MTHFD1L: variants seen among roughly 807,000 people sequenced by gnomAD.
The protein encoded by MTHFD1L is methylenetetrahydrofolate dehydrogenase (NADP+ dependent) 1 like.
A neutral mutation model predicts 119.5 loss-of-function variants in MTHFD1L; 81 were observed. The ratio of observed to expected loss-of-function variants is 0.68; its 90% confidence interval spans 0.57 to 0.82. MTHFD1L has a LOEUF of 0.82. Ranked by LOEUF, MTHFD1L falls within the 40% of genes least tolerant of loss-of-function variation. MTHFD1L has a pLI of 0.00. For synonymous variants in MTHFD1L, 430 were observed against 475.2 expected (o/e 0.90, Z 1.24); for missense variants, 1,125 against 1,253.4 (o/e 0.90, Z 1.55).
intron 20 of MTHFD1L, among the ~76,000 whole-genome samples, chr6:150,999,518 C>T (rs973209330): frequency 6.6e-6 from 1 of 152,136 alleles, no homozygotes; most frequent in Non-Finnish European, 1.5e-5. Context: ...ACAAACTGTT[C>T]TTGTTCCCTA....
chr6:151,013,701 T>A lies in MTHFD1L; in HGVS notation c.2266-78T>A, dbSNP rs755461497. 6.1e-5 allele frequency: 79 copies of A among 1,289,854 alleles called. 1 individual carries two copies. The highest frequency in any genetic ancestry group is 7.5e-5 in the South Asian group (6 of 80,412). 79.9% of individuals were successfully genotyped at this position (1,289,854 alleles called of 1,614,324 possible). On this transcript the variant is annotated intron_variant, in intron 21 of 27. Transcript: ENST00000367321. ...TACATTTCTAAAAATTGAATGTGAT[T>A]ATGTTGTTCTTTCTTTCAGATCGGT... is the stretch of plus-strand genomic sequence containing the variant.
At chr6:151,090,582 G>A (rs922265285) in intron 26 of MTHFD1L, among the ~76,000 whole-genome samples, 11 of 152,244 alleles carry the variant, frequency 7.2e-5, no homozygotes, top group African/African-American at 2.7e-4. Flanking sequence ...CTCGAGTCAC[G>A]ACTGAAAGGC....
At chr6:151,085,025 A>ATGTG (rs1793657793) in intron 26 of MTHFD1L, among the ~76,000 whole-genome samples, 1 of 129,328 alleles carries the variant, frequency 7.7e-6, no homozygotes, top group African/African-American at 3.1e-5. Context: ...ATATATGTAT[A>ATGTG]TACACACACA....
At chr6:150,900,357 G>A (rs1474909236) in intron 7 of MTHFD1L, among the ~76,000 whole-genome samples, 1 of 152,040 alleles carries the variant, frequency 6.6e-6, no homozygotes, top group Non-Finnish European at 1.5e-5. Flanking sequence ...CCAGGACATG[G>A]TGGTCTCCAT....
chr6:150,989,416 T>C (rs517170), intron 20 of MTHFD1L, among the ~76,000 whole-genome samples: 81,354 of 151,476 alleles, frequency 0.54, 22,951 homozygotes, highest in African/African-American at 0.7. Context: ...TTCTGAAGCA[T>C]GAATAAGAAC....
chr6:150,983,601 C>T (rs1777849200), intron 20 of MTHFD1L, among the ~76,000 whole-genome samples: 1 of 152,160 alleles, frequency 6.6e-6, no homozygotes, highest in Admixed American at 6.5e-5. Context: ...TTTACCTGCT[C>T]CTTCTGAGCT....
At chr6:151,034,865 G>A (rs1319804508) in intron 25 of MTHFD1L, among the ~76,000 whole-genome samples, 3 of 152,168 alleles carry the variant, frequency 2.0e-5, no homozygotes, top group Non-Finnish European at 2.9e-5. Flanking sequence ...GTTTTTAGGT[G>A]ATGTGTGATC....
At position 150,865,722 on chromosome 6, in the gene MTHFD1L, C is replaced by CCGT; in HGVS notation, c.-99_-98insTCG. The CCGT allele has an allele frequency of 1.4e-6, 1 of 712,288 alleles. No homozygotes were observed. Among genetic ancestry groups the CCGT allele is most frequent in the East Asian group, 1.3e-4 (1 of 7,918 alleles). The allele number at this position is 712,288 out of a possible 1,614,324, so 44.1% of individuals were successfully genotyped here. A position where few individuals can be genotyped will look rare whatever the true frequency, so the allele number is the denominator to read the frequency against. ...ACGAGGAGGAAGCGCCAGGTCCTTCCCGCCGCCGCCGCCGCCGCCGCCGCC... is the reference window on the plus strand; with the variant it reads ...ACGAGGAGGAAGCGCCAGGTCCTTCCCGTCGCCGCCGCCGCCGCCGCCGCCGCC... On this transcript the variant is annotated 5_prime_UTR_variant, in exon 1 of 28. Coordinates refer to ENST00000367321, the MANE Select transcript of MTHFD1L (RefSeq NM_015440.5).
intron 16 of MTHFD1L, among the ~76,000 whole-genome samples, chr6:150,951,638 G>A (rs1035013175): frequency 6.6e-6 from 1 of 152,056 alleles, no homozygotes; most frequent in Non-Finnish European, 1.5e-5. Flanking sequence ...CTTAAGCAAG[G>A]CTCAGTTCTT....
chr6:150,936,789 T>TC lies in MTHFD1L; in HGVS notation c.1257-9dup. On this transcript the variant is annotated splice_polypyrimidine_tract_variant and intron_variant, in intron 11 of 27. Coordinates refer to ENST00000367321, the MANE Select transcript of MTHFD1L (RefSeq NM_015440.5). ...GGGAAATATTATAAAATTCACTTTCTCCCCCCGAACTCAGGATCACACCCA... is the reference window on the plus strand; with the variant it reads ...GGGAAATATTATAAAATTCACTTTCTCCCCCCCGAACTCAGGATCACACCCA... 3 of 1,605,526 alleles carry TC rather than the reference T, an allele frequency of 1.9e-6. 1 individual carries two copies. Among genetic ancestry groups the TC allele is most frequent in the African/African-American group, 2.7e-5 (2 of 74,750 alleles).
intron 17 of MTHFD1L, among the ~76,000 whole-genome samples, chr6:150,957,197 G>A (rs552283208): frequency 4.3e-4 from 65 of 152,218 alleles, no homozygotes; most frequent in African/African-American, 1.3e-3. Context: ...ACATATAGTC[G>A]TAAGTGTTCA....
chr6:150,897,325 G>A (rs1403599373), intron 7 of MTHFD1L, among the ~76,000 whole-genome samples: 8 of 152,080 alleles, frequency 5.3e-5, no homozygotes, highest in African/African-American at 1.9e-4. Flanking sequence ...TACCTTATTA[G>A]GCAAAATATT....
At chr6:150,941,294 T>TG (rs984175881) in intron 13 of MTHFD1L, among the ~76,000 whole-genome samples, 5 of 152,030 alleles carry the variant, frequency 3.3e-5, no homozygotes, top group African/African-American at 1.2e-4. Flanking sequence ...CAGCGGGAGT[T>TG]GGGGGGGTTG....
Position 151,074,069 on chromosome 6 carries a change from G to A in MTHFD1L, c.2848-18398G>A, listed in dbSNP as rs141345985. 3.9e-3 allele frequency among the ~76,000 whole-genome samples: 587 copies of A among 152,310 alleles called. 4 individuals are homozygous for A. Among genetic ancestry groups the A allele is most frequent in the African/African-American group, 0.012 (498 of 41,572 alleles). Reference sequence around the variant, plus strand: ...TTGTTGGAAACAACACAAACTAGAAGGTGGTAGGTCAATATTTTTAAAGCA... The same window carrying A: ...TTGTTGGAAACAACACAAACTAGAAAGTGGTAGGTCAATATTTTTAAAGCA... On this transcript the variant is annotated intron_variant, in intron 26 of 27. Transcript: ENST00000367321.
intron 20 of MTHFD1L, among the ~76,000 whole-genome samples, chr6:150,988,599 T>A (rs1442961789): frequency 1.1e-5 from 1 of 91,096 alleles, no homozygotes; most frequent in Non-Finnish European, 2.0e-5. Flanking sequence ...TAGGGCTTTC[T>A]TTTTTTGTGG....
At position 150,977,038 on chromosome 6, in the gene MTHFD1L, A is replaced by G. The variant is rs1372505898; in HGVS notation, c.2125+4980A>G. Reference sequence around the variant, plus strand: ...ATTAAGCTTCTGCTATATGTCAAGTACTATCTGCTAGGAGCTGGGAATCAA... The same window carrying G: ...ATTAAGCTTCTGCTATATGTCAAGTGCTATCTGCTAGGAGCTGGGAATCAA... On this transcript the variant is annotated intron_variant, in intron 20 of 27. Coordinates refer to ENST00000367321, the MANE Select transcript of MTHFD1L (RefSeq NM_015440.5). Among the ~76,000 whole-genome samples, 3 of 152,224 alleles carry G rather than the reference A, an allele frequency of 2.0e-5. No individual in the cohort carries two copies. The East Asian group carries it at 5.8e-4, about 29-fold the overall frequency.
intron 26 of MTHFD1L, among the ~76,000 whole-genome samples, chr6:151,057,066 G>A (rs185899530): frequency 6.6e-6 from 1 of 152,180 alleles, no homozygotes; most frequent in African/African-American, 2.4e-5. Flanking sequence ...TGGGGCTGGG[G>A]CTGAGTGTCC....
intron 1 of MTHFD1L, chr6:150,866,284 TG>T: frequency 6.8e-7 from 1 of 1,467,664 alleles, no homozygotes; most frequent in South Asian, 1.3e-5. Context: ...CAGGTGGGCG[TG>T]GGCATCTCCA....
chr6:150,980,485 T>C (rs925755609), intron 20 of MTHFD1L, among the ~76,000 whole-genome samples: 1 of 152,028 alleles, frequency 6.6e-6, no homozygotes, highest in Non-Finnish European at 1.5e-5. Flanking sequence ...AACAGGAAAG[T>C]ATGCAAAGTA....
Sources: gnomAD v4.1 joint callset for allele counts (sites outside exome capture counted in the v4.1 genomes callset) on GRCh38, gnomAD v4.1.1 for gene constraint, MANE v1.5 for transcripts, NCBI Gene and HGNC (gene_info 2026-07-23, HGNC 2026-07-21) for gene names.